TBC1D14: variants seen among roughly 807,000 people sequenced by gnomAD.
TBC1D14 encodes the protein TBC1 domain family member 14.
Under a neutral mutation model 79.0 loss-of-function variants are expected in TBC1D14, and 26 were observed. The ratio of observed to expected loss-of-function variants is 0.33; its 90% confidence interval spans 0.24 to 0.46. The LOEUF (loss-of-function observed/expected upper bound fraction) is 0.46, where lower values mean the gene tolerates loss of function less well. Ranked by LOEUF, TBC1D14 falls within the 20% of genes least tolerant of loss-of-function variation. The pLI is 1.00. For synonymous variants in TBC1D14, 394 were observed against 349.9 expected, an observed-to-expected ratio of 1.13 and a Z score of -1.40; for missense variants, 769 against 887.6, an observed-to-expected ratio of 0.87 and a Z score of 1.70.
chr4:7,020,056 G>A (rs1435087494), intron 12 of TBC1D14, among the ~76,000 whole-genome samples: 1 of 149,582 alleles, frequency 6.7e-6, no homozygotes, highest in Non-Finnish European at 1.5e-5. Flanking sequence ...GGGACACAGA[G>A]GTGGGTATGT....
chr4:6,957,732 T>C (rs1714774122), intron 2 of TBC1D14, among the ~76,000 whole-genome samples: 1 of 152,084 alleles, frequency 6.6e-6, no homozygotes, highest in Admixed American at 6.5e-5. Context: ...GGCCACATGG[T>C]GAGACCCTGT....
chr4:6,968,387 T>C (rs1715891801), intron 3 of TBC1D14, among the ~76,000 whole-genome samples: 1 of 152,250 alleles, frequency 6.6e-6, no homozygotes, highest in African/African-American at 2.4e-5. Context: ...GAGTGATTAC[T>C]GTGTGCTAGT....
intron 3 of TBC1D14, among the ~76,000 whole-genome samples, chr4:6,970,985 G>A (rs892599495): frequency 2.0e-5 from 3 of 147,364 alleles, no homozygotes; most frequent in Non-Finnish European, 3.0e-5. Flanking sequence ...CTGGGGTCAG[G>A]TGTTCACACT....
chr4:6,998,876 A>G (rs1719361892), intron 5 of TBC1D14: 1 of 542,804 alleles, frequency 1.8e-6, no homozygotes, highest in Non-Finnish European at 3.3e-6. Flanking sequence ...TTTCCTGTCT[A>G]GATGTTAGAC....
chr4:6,987,159 C>A (rs1717927523), intron 3 of TBC1D14: 1 of 1,202,956 alleles, frequency 8.3e-7, no homozygotes, highest in East Asian at 3.5e-5. Flanking sequence ...CGCGCCGAGC[C>A]GGCAGCGCGG....
chr4:6,958,382 C>T (rs1331809434), intron 2 of TBC1D14, among the ~76,000 whole-genome samples: 1 of 152,118 alleles, frequency 6.6e-6, no homozygotes, highest in African/African-American at 2.4e-5. Context: ...CATATACACA[C>T]ACACACACAC....
chr4:7,022,874 G>A (rs976194218), intron 12 of TBC1D14, among the ~76,000 whole-genome samples: 1 of 151,870 alleles, frequency 6.6e-6, no homozygotes, highest in Admixed American at 6.6e-5. Context: ...GCTTGGGGGG[G>A]TACATTGTAG....
rs1339055089 is a variant in TBC1D14, at chr4:7,031,019, A to T, written c.*627A>T. On this transcript the variant is annotated 3_prime_UTR_variant, in exon 14 of 14. Coordinates refer to ENST00000409757, the MANE Select transcript of TBC1D14 (RefSeq NM_020773.3). ...TTGCCTTGACACAGTCACAGTGTAG[A>T]GGCTGCAGGTGCACACGTGGGCTCC... The T allele has an allele frequency of 6.6e-6, 1 of 152,650 alleles. No homozygotes were observed. Among genetic ancestry groups the T allele is most frequent in the African/African-American group, 2.4e-5 (1 of 41,438 alleles). The allele number at this position is 152,650 out of a possible 1,614,324, so 9.5% of individuals were successfully genotyped here. A position where few individuals can be genotyped will look rare whatever the true frequency, so the allele number is the denominator to read the frequency against.
At chr4:6,948,686 G>A (rs1393056277) in intron 2 of TBC1D14, among the ~76,000 whole-genome samples, 5 of 150,724 alleles carry the variant, frequency 3.3e-5, no homozygotes, top group African/African-American at 1.2e-4. Flanking sequence ...TGTCATTCCG[G>A]TGACAAGGTA....
chr4:7,020,079 G>T (rs933799374), intron 12 of TBC1D14, among the ~76,000 whole-genome samples: 2 of 150,442 alleles, frequency 1.3e-5, no homozygotes, highest in South Asian at 4.2e-4. Flanking sequence ...ACCCTGCTGG[G>T]CTCAGGTTAG....
intron 3 of TBC1D14, among the ~76,000 whole-genome samples, chr4:6,977,885 G>A (rs1716916540): frequency 6.7e-6 from 1 of 149,854 alleles, no homozygotes; most frequent in Admixed American, 6.6e-5. Flanking sequence ...GAGCGCCTCT[G>A]CCCTGCCGCC....
chr4:6,964,600 A>G (rs1715536506), intron 2 of TBC1D14, among the ~76,000 whole-genome samples: 1 of 152,344 alleles, frequency 6.6e-6, no homozygotes, highest in South Asian at 2.1e-4. Flanking sequence ...ATCTCAGACA[A>G]TTCAAAGTTC....
intron 2 of TBC1D14, among the ~76,000 whole-genome samples, chr4:6,932,669 G>A (rs1471760701): frequency 6.6e-6 from 1 of 152,184 alleles, no homozygotes; most frequent in Non-Finnish European, 1.5e-5. Flanking sequence ...CAGGAGTCCA[G>A]TGGCCATTCA....
chr4:7,013,994 C>T (rs573899332), intron 11 of TBC1D14, among the ~76,000 whole-genome samples: 1 of 152,322 alleles, frequency 6.6e-6, no homozygotes, highest in Non-Finnish European at 1.5e-5. Flanking sequence ...CATGATCCAC[C>T]CGCCTCGGCC....
At chr4:6,974,230 C>T (rs762253183) in intron 3 of TBC1D14, among the ~76,000 whole-genome samples, 1 of 152,156 alleles carries the variant, frequency 6.6e-6, no homozygotes, top group Non-Finnish European at 1.5e-5. Context: ...GCCTGAGACT[C>T]CCAGAAAAGG....
chr4:6,998,142 G>A (rs987660172), intron 5 of TBC1D14, among the ~76,000 whole-genome samples: 7 of 152,100 alleles, frequency 4.6e-5, no homozygotes, highest in South Asian at 2.1e-4. Flanking sequence ...AAGCCAAGGC[G>A]GGTGGTCAGG....
chr4:7,001,331 A>G, intron 7 of TBC1D14, 80 bp downstream of exon 7: 2 of 1,186,038 alleles, frequency 1.7e-6, no homozygotes, highest in Non-Finnish European at 2.5e-6. Flanking sequence ...GTTGGAAAGA[A>G]TGGCAGCCAT....
chr4:6,920,867 C>T (rs976297459), intron 1 of TBC1D14, among the ~76,000 whole-genome samples: 7 of 152,202 alleles, frequency 4.6e-5, no homozygotes, highest in Admixed American at 2.0e-4. Context: ...CAACCTCCAC[C>T]TCCCGAGTTC....
intron 10 of TBC1D14, among the ~76,000 whole-genome samples, chr4:7,010,240 A>G (rs139499718): frequency 2.9e-4 from 44 of 152,376 alleles, no homozygotes; most frequent in African/African-American, 9.9e-4. Flanking sequence ...CGTTAAAAGC[A>G]GCAACCATTA....
Sources: allele counts gnomAD v4.1 joint callset (sites outside exome capture counted in the v4.1 genomes callset), GRCh38; gene constraint gnomAD v4.1.1; transcripts MANE v1.5; gene names NCBI Gene and HGNC (gene_info 2026-07-23, HGNC 2026-07-21).